Variants in IFFO2 observed in about 807,000 individuals in gnomAD.
IFFO2 encodes intermediate filament family orphan 2.
IFFO2 carries 19 observed loss-of-function variants against 53.5 expected under a neutral mutation model. That is an observed-to-expected ratio of 0.36 (90% confidence interval 0.25 to 0.52). IFFO2 has a LOEUF of 0.52. Ranked by LOEUF, IFFO2 falls within the 20% of genes least tolerant of loss-of-function variation. The pLI is 0.94. For synonymous variants in IFFO2, 303 were observed against 313.6 expected, an observed-to-expected ratio of 0.97 and a Z score of 0.36; for missense variants, 570 against 727.4, an observed-to-expected ratio of 0.78 and a Z score of 2.49.
At position 18,956,148 on chromosome 1, in the gene IFFO2, A is replaced by G; in HGVS notation, c.185T>C (p.Val62Ala). Residue 62 changes from valine to alanine, a missense_variant, in exon 1 of 9, where the codon GTG (valine) becomes GCG (alanine). Transcript: ENST00000455833. The surrounding 1 kb of genome is among the most constrained non-coding windows in gnomAD (Gnocchi z 6.4). ...CTTAGCCAGGAAGCAGCGGAAGCGC[A>G]CGTTGAGCCCCTTCAAGAGGTGGAT... ...SNIHLLKGLNVRFRCFLAKVH... is the reference protein window; with the variant it reads ...SNIHLLKGLNARFRCFLAKVH... The G allele has an allele frequency of 6.7e-7, 1 of 1,496,652 alleles. No homozygotes were observed. The highest frequency in any genetic ancestry group is 9.0e-7 in the Non-Finnish European group (1 of 1,114,550). 92.7% of individuals were successfully genotyped at this position (1,496,652 alleles called of 1,614,324 possible). A position where few individuals can be genotyped will look rare whatever the true frequency, so the allele number is the denominator to read the frequency against.
chr1:18,955,774 G>A lies in IFFO2; in HGVS notation c.559C>T (p.His187Tyr). ...ATCTGCACGCCCACGCCGTCGGGGTGCACCCACGACACGCCGGGGCCCTGC... is the reference window on the plus strand; with the variant it reads ...ATCTGCACGCCCACGCCGTCGGGGTACACCCACGACACGCCGGGGCCCTGC... Reference protein sequence around the residue: ...TVQGPGVSWVHPDGVGVQIDT... With the variant: ...TVQGPGVSWVYPDGVGVQIDT... Residue 187 changes from histidine to tyrosine, a missense_variant, in exon 1 of 9, where the codon CAC (histidine) becomes TAC (tyrosine). Transcript: ENST00000455833. 1.3e-6 allele frequency: 2 copies of A among 1,556,894 alleles called. No individual in the cohort carries two copies. The highest frequency in any genetic ancestry group is 2.7e-5 in the African/African-American group (2 of 72,904).
intron 1 of IFFO2, among the ~76,000 whole-genome samples, chr1:18,933,542 G>A (rs939531837): frequency 2.6e-5 from 4 of 152,152 alleles, no homozygotes; most frequent in African/African-American, 9.7e-5. Flanking sequence ...TGGGCAGGTG[G>A]ATCACTTGAG....
intron 1 of IFFO2, among the ~76,000 whole-genome samples, chr1:18,929,219 G>C (rs1245078710): frequency 6.6e-6 from 1 of 152,180 alleles, no homozygotes; most frequent in African/African-American, 2.4e-5. Flanking sequence ...TCTGTAAAAC[G>C]GGGATAGCAA....
chr1:18,919,379 T>C lies in IFFO2; in HGVS notation c.822+299A>G, dbSNP rs901733025. ...GAGGCCTGCCCTCATCAAGGCGAGC[T>C]GGGAAGGAGTGGGAGCAAACACACA... On this transcript the variant is annotated intron_variant, in intron 3 of 8. Transcript: ENST00000455833. The surrounding 1 kb of genome is among the most constrained non-coding windows in gnomAD (Gnocchi z 4.9). Among the ~76,000 whole-genome samples, 2 of 150,608 alleles carry C rather than the reference T, an allele frequency of 1.3e-5. No individual in the cohort carries two copies. The highest frequency in any genetic ancestry group is 2.1e-4 in the South Asian group (1 of 4,768).
At position 18,918,645 on chromosome 1, in the gene IFFO2, G is replaced by A. The variant is rs922881517; in HGVS notation, c.823-143C>T. On this transcript the variant is annotated intron_variant, in intron 3 of 8. Coordinates refer to ENST00000455833, the MANE Select transcript of IFFO2 (RefSeq NM_001136265.2). The surrounding 1 kb of genome is among the most constrained non-coding windows in gnomAD (Gnocchi z 5.2). ...GTCCGAGGGTGCCTTGGGCTTTTCC[G>A]TGGAGTGGAGGGCTGCGGCGGCACT... 3.1e-5 allele frequency: 23 copies of A among 743,976 alleles called. No homozygotes were observed. The highest frequency in any genetic ancestry group is 7.1e-5 in the African/African-American group (4 of 56,326). 46.1% of individuals were successfully genotyped at this position (743,976 alleles called of 1,614,324 possible). A position where few individuals can be genotyped will look rare whatever the true frequency, so the allele number is the denominator to read the frequency against.
At chr1:18,924,915 A>G (rs1231393135) in intron 1 of IFFO2, among the ~76,000 whole-genome samples, 1 of 152,204 alleles carries the variant, frequency 6.6e-6, no homozygotes, top group South Asian at 2.1e-4. Flanking sequence ...CATACTGCAC[A>G]TGCACTGGGC....
At chr1:18,921,607 C>G (rs1936216597) in intron 1 of IFFO2, among the ~76,000 whole-genome samples, 1 of 152,226 alleles carries the variant, frequency 6.6e-6, no homozygotes, top group South Asian at 2.1e-4. Flanking sequence ...CAACACAGAT[C>G]TCTCCTACGT....
Position 18,918,267 on chromosome 1 carries a change from A to T in IFFO2, c.963+95T>A, listed in dbSNP as rs1936163920. The T allele has an allele frequency of 8.3e-7, 1 of 1,206,460 alleles. No homozygotes were observed. The highest frequency in any genetic ancestry group is 1.2e-6 in the Non-Finnish European group (1 of 850,504). 74.7% of individuals were successfully genotyped at this position (1,206,460 alleles called of 1,614,324 possible). A position where few individuals can be genotyped will look rare whatever the true frequency, so the allele number is the denominator to read the frequency against. Reference sequence around the variant, plus strand: ...CGGGGAAGGGGAGGGAGTGAGTGGGATGTGGAGGCAAACGGGTTGGCCGGG... The same window carrying T: ...CGGGGAAGGGGAGGGAGTGAGTGGGTTGTGGAGGCAAACGGGTTGGCCGGG... On this transcript the variant is annotated intron_variant, in intron 4 of 8. Transcript: ENST00000455833. This position sits in a 1 kb window ranked among gnomAD's most constrained non-coding sequence, Gnocchi z 5.2.
chr1:18,946,126 T>C (rs1343318722), intron 1 of IFFO2, among the ~76,000 whole-genome samples: 1 of 152,140 alleles, frequency 6.6e-6, no homozygotes, highest in Non-Finnish European at 1.5e-5. Context: ...CATGGGAAGT[T>C]GGAAAAGAAA....
chr1:18,945,007 G>C (rs975686372), intron 1 of IFFO2, among the ~76,000 whole-genome samples: 5 of 152,152 alleles, frequency 3.3e-5, no homozygotes, highest in African/African-American at 1.2e-4. Context: ...GCTCAAGCCC[G>C]GGCACCAGGA....
At chr1:18,910,551 T>C in intron 7 of IFFO2, 79 bp from the exon 8 acceptor site, 1 of 1,512,086 alleles carries the variant, frequency 6.6e-7, no homozygotes, top group Non-Finnish European at 8.9e-7. Flanking sequence ...TCCTCCTGGA[T>C]TCCTCAGGGA....
chr1:18,948,186 C>G (rs972669546), intron 1 of IFFO2, among the ~76,000 whole-genome samples: 1 of 152,204 alleles, frequency 6.6e-6, no homozygotes, highest in Non-Finnish European at 1.5e-5. Context: ...ATTTTCAAAT[C>G]CTTTTGCAAA....
In IFFO2 at chr1:18,911,986, G is replaced by A. The variant is rs758784110; in HGVS notation, c.1201C>T (p.Pro401Ser). The A allele has an allele frequency of 1.2e-5, 18 of 1,551,628 alleles. No individual in the cohort carries two copies. Among genetic ancestry groups the A allele is most frequent in the Non-Finnish European group, 1.5e-5 (17 of 1,147,012 alleles). Residue 401 changes from proline to serine, a missense_variant, in exon 6 of 9, where the codon CCG becomes TCG. Transcript: ENST00000455833. ...LLWEDFTNCN[P>S]TIDLQGEQEE... is the part of the protein sequence containing the mutation. The stretch of plus-strand genomic sequence containing the variant: ...ACCTCGCCCTGCAGGTCGATGGTCG[G>A]ATTGCAGTTGGTGAAATCCTCCCAG...
At chr1:18,910,194 G>T (rs1057073266) in intron 8 of IFFO2, 148 bp downstream of exon 8, 2 of 865,060 alleles carry the variant, frequency 2.3e-6, no homozygotes, top group Non-Finnish European at 3.5e-6. Flanking sequence ...TCACTGGATG[G>T]ATGGATGGAT....
intron 1 of IFFO2, among the ~76,000 whole-genome samples, chr1:18,933,349 A>AC (rs1936404085): frequency 6.6e-6 from 1 of 152,178 alleles, no homozygotes; most frequent in Admixed American, 6.5e-5. Flanking sequence ...GCCCATTTGT[A>AC]CCCAGGGGCA....
Position 18,921,083 on chromosome 1 carries a change from G to T in IFFO2, c.704C>A (p.Thr235Asn). The T allele has an allele frequency of 1.3e-6, 2 of 1,552,038 alleles. No homozygotes were observed. Among genetic ancestry groups the T allele is most frequent in the Non-Finnish European group, 1.7e-6 (2 of 1,147,066 alleles). The change falls in exon 2 of 9, where the codon ACC becomes AAC. Residue 235 changes from threonine to asparagine, a missense_variant. Transcript: ENST00000455833. Reference protein sequence around the residue: ...EELAKRMNLQTMVDTLQEAAQ... With the variant: ...EELAKRMNLQNMVDTLQEAAQ... ...TACCTCCTGCAGCGTGTCCACCATG[G>T]TCTGAAGGTTCATGCGCTTGGCGAG... is the stretch of plus-strand genomic sequence containing the variant.
At chr1:18,952,323 T>A (rs1447693167) in intron 1 of IFFO2, among the ~76,000 whole-genome samples, 1 of 152,150 alleles carries the variant, frequency 6.6e-6, no homozygotes, top group Admixed American at 6.5e-5. Context: ...CAGTGGTGAC[T>A]GGGGCCAGGA....
chr1:18,953,012 G>C (rs138198080), intron 1 of IFFO2, among the ~76,000 whole-genome samples: 55 of 152,370 alleles, frequency 3.6e-4, no homozygotes, highest in African/African-American at 1.3e-3. Context: ...AAGCAAGTGG[G>C]GGTCTCTGGA....
Position 18,955,792 on chromosome 1 carries a change from G to A in IFFO2, c.541C>T (p.Pro181Ser). 1.3e-6 allele frequency: 2 copies of A among 1,541,076 alleles called. No homozygotes were observed. Among genetic ancestry groups the A allele is most frequent in the Non-Finnish European group, 1.7e-6 (2 of 1,150,136 alleles). ...TCGGGGTGCACCCACGACACGCCGG[G>A]GCCCTGCACGGTCTCCACGCCGCCG... is the stretch of plus-strand genomic sequence containing the variant. ...GGGGVETVQG[P>S]GVSWVHPDGV... Residue 181 changes from proline to serine, a missense_variant, in exon 1 of 9, where the codon CCC (proline) becomes TCC (serine). By Grantham distance (74) the Pro-to-Ser change is moderately conservative. Transcript: ENST00000455833.
Sources: gnomAD v4.1 joint callset for allele counts (sites outside exome capture counted in the v4.1 genomes callset) on GRCh38, gnomAD v4.1.1 for gene constraint, Gnocchi (gnomAD v3.1) non-coding constraint, MANE v1.5 for transcripts, NCBI Gene and HGNC (gene_info 2026-07-23, HGNC 2026-07-21) for gene names.